Variants in CYRIB observed in about 807,000 individuals in gnomAD.
The protein encoded by CYRIB is CYFIP-related Rac1 interactor B.
In CYRIB, 8 loss-of-function variants were observed where a neutral mutation model predicts 44.2. The observed-to-expected ratio is 0.18, with a 90% CI of 0.11 to 0.33. The LOEUF (loss-of-function observed/expected upper bound fraction) is 0.33, where lower values mean the gene tolerates loss of function less well. Among genes scored for constraint, CYRIB ranks in the 10% least tolerant of loss-of-function variants. The probability of loss-of-function intolerance (pLI) is 1.00; values close to 1 mark genes in which losing one functional copy is unlikely to be tolerated. For missense variants in CYRIB, 185 were observed against 382.8 expected (o/e 0.48, Z 4.31); for synonymous variants, 131 against 127.2 (o/e 1.03, Z -0.20).
At chr8:129,960,687 C>T (rs1465782022) in intron 2 of CYRIB, among the ~76,000 whole-genome samples, 3 of 140,404 alleles carry the variant, frequency 2.1e-5, no homozygotes. Flanking sequence ...CATGGTGGCT[C>T]ATGCCTGTAA....
At chr8:129,913,202 A>T (rs1430308812) in intron 1 of CYRIB, among the ~76,000 whole-genome samples, 1 of 152,018 alleles carries the variant, frequency 6.6e-6, no homozygotes. Flanking sequence ...TGAACTTCTG[A>T]CCTCATGATC....
At chr8:129,930,511 T>C (rs2138252829) in intron 1 of CYRIB, among the ~76,000 whole-genome samples, 1 of 151,768 alleles carries the variant, frequency 6.6e-6, no homozygotes, top group Non-Finnish European at 1.5e-5. Context: ...GAAAATCTGC[T>C]AAAACTAAGT....
chr8:129,945,776 T>C (rs2094102216), intron 2 of CYRIB, among the ~76,000 whole-genome samples: 1 of 152,164 alleles, frequency 6.6e-6, no homozygotes, highest in Admixed American at 6.5e-5. Flanking sequence ...TTTCACCATG[T>C]TGGCCAGACT....
chr8:129,893,879 A>AT (rs2066613372), intron 2 of CYRIB, among the ~76,000 whole-genome samples: 1 of 148,882 alleles, frequency 6.7e-6, no homozygotes, highest in Non-Finnish European at 1.5e-5. Flanking sequence ...ATATTTTAAG[A>AT]TTTTTTACTC....
At chr8:129,924,309 C>CG (rs1564004003) in intron 1 of CYRIB, among the ~76,000 whole-genome samples, 1 of 6,038 alleles carries the variant, frequency 1.7e-4, no homozygotes, top group Non-Finnish European at 2.7e-4. Context: ...GGGGGGGTGG[C>CG]GGGGGGGGTG....
intron 1 of CYRIB, among the ~76,000 whole-genome samples, chr8:129,997,525 T>TG (rs1469603361): frequency 6.6e-6 from 1 of 152,204 alleles, no homozygotes; most frequent in African/African-American, 2.4e-5. Flanking sequence ...AAACAAAACT[T>TG]GCAGGAGGAT....
intron 1 of CYRIB, among the ~76,000 whole-genome samples, chr8:129,923,050 GA>G (rs2084752157): frequency 6.9e-6 from 1 of 145,234 alleles, no homozygotes; most frequent in South Asian, 2.2e-4. Context: ...ACCATCAGGG[GA>G]AACCCCGTCT....
chr8:129,949,441 A>C (rs1449608001), intron 2 of CYRIB: 1 of 152,226 alleles, frequency 6.6e-6, no homozygotes, highest in Non-Finnish European at 1.5e-5. Flanking sequence ...ACCTACGAGG[A>C]GGTGAACCAG....
chr8:129,854,137 TG>T, intron 7 of CYRIB, 128 bp downstream of exon 9: 1 of 731,896 alleles, frequency 1.4e-6, no homozygotes, highest in South Asian at 1.7e-5. Context: ...CCTACAGCTA[TG>T]GCTGCCCATA....
intron 2 of CYRIB, among the ~76,000 whole-genome samples, chr8:129,882,280 AC>A: frequency 6.6e-6 from 1 of 152,298 alleles, no homozygotes; most frequent in East Asian, 1.9e-4. Flanking sequence ...ATGGTAGTTA[AC>A]CCTTTTGGGG....
At chr8:129,926,062 G>T (rs2137690289) in intron 1 of CYRIB, among the ~76,000 whole-genome samples, 1 of 152,318 alleles carries the variant, frequency 6.6e-6, no homozygotes, top group Non-Finnish European at 1.5e-5. Context: ...CCCACATGGT[G>T]TCCTTAAAAC....
At position 129,952,656 on chromosome 8, in the gene CYRIB, A is replaced by G. The variant is rs1221572395; in HGVS notation, c.-243+18287T>C. ...GTGAACAGGAGAAATATGGAAGAGA[A>G]GAGGAAGCAGAAGTGGCCAAGGGAG... On this transcript the variant is annotated intron_variant, in intron 2 of 14. Coordinates refer to the CYRIB transcript ENST00000401979. Among the ~76,000 whole-genome samples the G allele has an allele frequency of 2.0e-5, 3 of 152,292 alleles. No individual in the cohort carries two copies. The East Asian group carries it at 5.8e-4, about 29-fold the overall frequency.
intron 1 of CYRIB, among the ~76,000 whole-genome samples, chr8:129,932,238 A>G (rs80096047): frequency 0.017 from 2,533 of 152,102 alleles, 81 homozygotes; most frequent in African/African-American, 0.057. Flanking sequence ...TCTTTTGCAT[A>G]CAGTACAAGC....
chr8:129,870,632 C>G (rs978086532), intron 4 of CYRIB, among the ~76,000 whole-genome samples: 2 of 152,148 alleles, frequency 1.3e-5, no homozygotes, highest in African/African-American at 4.8e-5. Flanking sequence ...CCTCTGCACT[C>G]TTTGTTATAG....
rs1357636277 is a variant in CYRIB at position 129,852,142 on chromosome 8, C to T, written c.633+20G>A. On this transcript the variant is annotated intron_variant, in intron 8 of 11. Coordinates refer to ENST00000519824, the Ensembl canonical transcript of CYRIB. ...GGGGCATAAATAACAACACAGAGTA[C>T]CTGCCTAGGCAATGCTTACCTCTGA... 1 of 1,450,580 alleles carries T rather than the reference C, an allele frequency of 6.9e-7. No homozygotes were observed. The highest frequency in any genetic ancestry group is 9.3e-7 in the Non-Finnish European group (1 of 1,072,936). 89.9% of individuals were successfully genotyped at this position (1,450,580 alleles called of 1,614,324 possible).
chr8:129,988,977 T>C (rs899794380), intron 1 of CYRIB, among the ~76,000 whole-genome samples: 1 of 152,126 alleles, frequency 6.6e-6, no homozygotes, highest in Non-Finnish European at 1.5e-5. Flanking sequence ...TTTACAGAAA[T>C]GGAAACTGAA....
intron 2 of CYRIB, among the ~76,000 whole-genome samples, chr8:129,897,213 T>A (rs1278846563): frequency 1.3e-5 from 2 of 152,150 alleles, no homozygotes; most frequent in African/African-American, 4.8e-5. Flanking sequence ...CTACAACATA[T>A]CCACACCAAG....
chr8:129,916,605 T>C (rs541314790), intron 1 of CYRIB, among the ~76,000 whole-genome samples: 36 of 152,318 alleles, frequency 2.4e-4, no homozygotes, highest in African/African-American at 8.4e-4. Context: ...CCTTTCTTCC[T>C]TCTAAAAAGA....
chr8:129,965,504 A>G (rs938512676), intron 2 of CYRIB, among the ~76,000 whole-genome samples: 1 of 152,162 alleles, frequency 6.6e-6, no homozygotes, highest in Non-Finnish European at 1.5e-5. Context: ...CACTTTAAGA[A>G]TATACATTCA....
Sources: allele counts gnomAD v4.1 joint callset (sites outside exome capture counted in the v4.1 genomes callset), GRCh38; gene constraint gnomAD v4.1.1; transcripts MANE v1.5; gene names NCBI Gene and HGNC (gene_info 2026-07-23, HGNC 2026-07-21).